Variants in WDFY3 observed in about 807,000 individuals in gnomAD.
The protein encoded by WDFY3 is WD repeat and FYVE domain containing 3.
In WDFY3, 66 loss-of-function variants were observed where a neutral mutation model predicts 409.6. The ratio of observed to expected loss-of-function variants is 0.16; its 90% CI spans 0.13 to 0.20. The LOEUF is 0.20. Ranked by LOEUF, WDFY3 falls within the 10% of genes least tolerant of loss-of-function variation. The pLI is 1.00. For missense variants in WDFY3, 3,031 were observed against 4,298.1 expected (o/e 0.71, Z 8.24); for synonymous variants, 1,521 against 1,537.1 (o/e 0.99, Z 0.25).
intron 36 of WDFY3, among the ~76,000 whole-genome samples, chr4:84,747,774 G>A (rs1739745865): frequency 6.6e-6 from 1 of 152,106 alleles, no homozygotes. Context: ...CTGCCACCAT[G>A]TGAAGATGGA....
At chr4:84,745,535 TA>T (rs1223902349) in intron 36 of WDFY3, among the ~76,000 whole-genome samples, 1 of 152,176 alleles carries the variant, frequency 6.6e-6, no homozygotes, top group African/African-American at 2.4e-5. Flanking sequence ...AGAACAAGAA[TA>T]CTAGCTTAAG....
At position 84,794,554 on chromosome 4, in the gene WDFY3, A is replaced by G; in HGVS notation, c.3452T>C (p.Ile1151Thr). 6.2e-7 allele frequency: 1 copy of G among 1,614,156 alleles called. No individual in the cohort carries two copies. The highest frequency in any genetic ancestry group is 8.5e-7 in the Non-Finnish European group (1 of 1,180,014). ...IVLSAKDRSL[I>T]VSTKEELLQN... ...GAGGAGTTCCTCTTTGGTGGAAACA[A>G]TCAGAGATCGGTCTTTTGCTGATAG... Residue 1151 changes from isoleucine to threonine, a missense_variant, in exon 21 of 68, where the codon ATT (isoleucine) becomes ACT (threonine). This residue lies in a region of WDFY3 where 1,322 missense variants were observed against 1,697.9 expected (regional missense o/e 0.78). Coordinates refer to ENST00000295888, the MANE Select transcript of WDFY3 (RefSeq NM_014991.6).
chr4:84,823,539 T>C (rs145004133), intron 10 of WDFY3, among the ~76,000 whole-genome samples: 76 of 151,880 alleles, frequency 5.0e-4, no homozygotes, highest in African/African-American at 1.8e-3. Flanking sequence ...CCAAAATACA[T>C]ATTAAGGGAT....
At chr4:84,821,625 C>T in intron 10 of WDFY3, 74 bp from the exon 11 acceptor site, 1 of 1,220,430 alleles carries the variant, frequency 8.2e-7, no homozygotes, top group Non-Finnish European at 1.2e-6. Flanking sequence ...TCTGTTTAAA[C>T]ACATCATGAA....
intron 33 of WDFY3, 35 bp downstream of exon 33, chr4:84,756,891 G>A (rs374545326): frequency 3.0e-5 from 47 of 1,586,862 alleles, no homozygotes; most frequent in African/African-American, 1.3e-5. Flanking sequence ...TTTGGAATAC[G>A]TAATTTCACG....
At chr4:84,690,238 A>C (rs889605430) in intron 61 of WDFY3, among the ~76,000 whole-genome samples, 5 of 152,234 alleles carry the variant, frequency 3.3e-5, no homozygotes, top group Non-Finnish European at 7.3e-5. Flanking sequence ...TTTTGCATTT[A>C]TATTACTTAA....
At chr4:84,961,277 G>A (rs1419595601) in intron 1 of WDFY3, among the ~76,000 whole-genome samples, 4 of 150,928 alleles carry the variant, frequency 2.7e-5, no homozygotes, top group Non-Finnish European at 4.4e-5. Context: ...TAACTTGACA[G>A]TCCTCAAGAT....
chr4:84,823,952 CA>C (rs1560852752), intron 10 of WDFY3, among the ~76,000 whole-genome samples: 1 of 152,080 alleles, frequency 6.6e-6, no homozygotes, highest in Non-Finnish European at 1.5e-5. Flanking sequence ...AACGTATGTC[CA>C]CAGAAAGATT....
rs1160673015 is a variant in WDFY3, at chr4:84,672,715, G to A, written c.*153C>T. ...TGCCCCATTCCTGTACTCTACACCC[G>A]TTTTATTCAATGATCCCTTTGAATT... On this transcript the variant is annotated 3_prime_UTR_variant, in exon 68 of 68. Transcript: ENST00000295888. 32 of 1,134,114 alleles carry A rather than the reference G, an allele frequency of 2.8e-5. No homozygotes were observed. Among genetic ancestry groups the A allele is most frequent in the South Asian group, 1.4e-4 (9 of 64,046 alleles). The allele number at this position is 1,134,114 out of a possible 1,614,324, so 70.3% of individuals were successfully genotyped here.
chr4:84,748,938 T>C (rs1373695046), intron 36 of WDFY3, among the ~76,000 whole-genome samples: 1 of 151,810 alleles, frequency 6.6e-6, no homozygotes, highest in Non-Finnish European at 1.5e-5. Flanking sequence ...CTGGAATGCA[T>C]TGGAATGCAG....
chr4:84,880,670 CATACATATATATATATATATAT>C (rs1472606233), intron 3 of WDFY3, among the ~76,000 whole-genome samples: 2 of 55,204 alleles, frequency 3.6e-5, no homozygotes, highest in African/African-American at 1.6e-4. Flanking sequence ...ATAAGGGAAC[CATACATATATATATATATATAT>C]ATATATATAT....
chr4:84,687,905 G>C, intron 62 of WDFY3, 181 bp downstream of exon 62: 1 of 631,650 alleles, frequency 1.6e-6, no homozygotes, highest in Non-Finnish European at 2.8e-6. Flanking sequence ...GCTGACCTTA[G>C]TGCAGACACC....
At position 84,791,223 on chromosome 4, in the gene WDFY3, TAAA is replaced by T. The variant is rs140134141; in HGVS notation, c.3488-1319_3488-1317del. Among the ~76,000 whole-genome samples the T allele has an allele frequency of 6.8e-3, 1,035 of 152,234 alleles. 11 individuals are homozygous for T. The highest frequency in any genetic ancestry group is 0.024 in the African/African-American group (992 of 41,542). ...TATACAATGGAATAATATTTAGCCT[TAAA>T]GAAGAAAATTTTGCAATATCTGACA... On this transcript the variant is annotated intron_variant, in intron 21 of 67. Coordinates refer to ENST00000295888, the MANE Select transcript of WDFY3 (RefSeq NM_014991.6).
At chr4:84,823,904 G>C (rs1009757511) in intron 10 of WDFY3, among the ~76,000 whole-genome samples, 8 of 152,112 alleles carry the variant, frequency 5.3e-5, no homozygotes, top group African/African-American at 1.9e-4. Context: ...ATATGATCTA[G>C]CACTTTAACT....
At chr4:84,934,118 T>C (rs1473061206) in intron 1 of WDFY3, among the ~76,000 whole-genome samples, 5 of 152,160 alleles carry the variant, frequency 3.3e-5, no homozygotes, top group Admixed American at 6.6e-5. Context: ...ATAATGTCTG[T>C]ACTGATTTGC....
chr4:84,917,652 CTT>C (rs1201268069), intron 2 of WDFY3, among the ~76,000 whole-genome samples: 4 of 151,910 alleles, frequency 2.6e-5, no homozygotes, highest in East Asian at 3.9e-4. Flanking sequence ...ATTTCAAACT[CTT>C]TATGTTTTTT....
At chr4:84,868,816 T>C (rs1442810389) in intron 3 of WDFY3, among the ~76,000 whole-genome samples, 16 of 152,224 alleles carry the variant, frequency 1.1e-4, no homozygotes, top group Admixed American at 5.2e-4. Flanking sequence ...TTTATCTTAA[T>C]AGTTAAAAGG....
At chr4:84,822,384 T>A (rs1400296226) in intron 10 of WDFY3, among the ~76,000 whole-genome samples, 1 of 152,040 alleles carries the variant, frequency 6.6e-6, no homozygotes, top group African/African-American at 2.4e-5. Flanking sequence ...ACCAGAGAAC[T>A]ACCAAAATTA....
At chr4:84,707,396 A>G (rs1732147310) in intron 53 of WDFY3, among the ~76,000 whole-genome samples, 1 of 152,176 alleles carries the variant, frequency 6.6e-6, no homozygotes, top group Non-Finnish European at 1.5e-5. Flanking sequence ...CACTGGGTAC[A>G]CTGATGGAGA....
Sources: allele counts gnomAD v4.1 joint callset (sites outside exome capture counted in the v4.1 genomes callset), GRCh38; gene constraint gnomAD v4.1.1; regional missense constraint gnomAD v4.1.1; transcripts MANE v1.5; gene names NCBI Gene and HGNC (gene_info 2026-07-23, HGNC 2026-07-21).